The following NCOR2 variants were observed in gnomAD, a reference collection of about 807,000 sequenced individuals.
The protein encoded by NCOR2 is CTG repeat protein 26.
In NCOR2, 81 loss-of-function variants were observed where a neutral mutation model predicts 262.9. That is an observed-to-expected ratio of 0.31 (90% CI 0.26 to 0.37). The LOEUF is 0.37. NCOR2 is among the 10% of genes least tolerant of loss of function. NCOR2 has a pLI of 1.00. For synonymous variants in NCOR2, 1,659 were observed against 1,559.3 expected (o/e 1.06, Z -1.51); for missense variants, 3,385 against 3,621.4 (o/e 0.93, Z 1.68).
At chr12:124,526,267 G>C (rs2050462857) in intron 1 of NCOR2, among the ~76,000 whole-genome samples, 1 of 152,170 alleles carries the variant, frequency 6.6e-6, no homozygotes, top group South Asian at 2.1e-4. Context: ...GGCAGGGAGA[G>C]CCCCAAACCC....
chr12:124,449,424 C>G (rs1217685539), intron 7 of NCOR2, among the ~76,000 whole-genome samples: 1 of 152,208 alleles, frequency 6.6e-6, no homozygotes, highest in Non-Finnish European at 1.5e-5. Context: ...AAACACCAGG[C>G]CCCCGCCTGC....
At chr12:124,480,835 G>A (rs1236934938) in intron 3 of NCOR2, among the ~76,000 whole-genome samples, 2 of 147,624 alleles carry the variant, frequency 1.4e-5, no homozygotes, top group Non-Finnish European at 3.0e-5. Context: ...GGAGCGGATG[G>A]GGGTAGGGGG....
At chr12:124,336,878 T>G in exon 38 of NCOR2, 1 of 1,609,496 alleles carries the variant, frequency 6.2e-7, no homozygotes, top group Non-Finnish European at 8.5e-7. Context: ...TGCGAGGTTC[T>G]TCGCAGGGGT....
chr12:124,386,710 A>C (rs1184876586), intron 16 of NCOR2, among the ~76,000 whole-genome samples: 1 of 152,220 alleles, frequency 6.6e-6, no homozygotes, highest in African/African-American at 2.4e-5. Context: ...TCTAGTTTCA[A>C]GGCCACAAAC....
intron 37 of NCOR2, among the ~76,000 whole-genome samples, chr12:124,338,236 G>A (rs144356619): frequency 4.5e-4 from 68 of 152,314 alleles, no homozygotes; most frequent in African/African-American, 1.5e-3. Flanking sequence ...GGCTGAGTGC[G>A]GTGGCGCACG....
At chr12:124,551,106 A>T (rs192098603) in intron 1 of NCOR2, among the ~76,000 whole-genome samples, 5 of 152,336 alleles carry the variant, frequency 3.3e-5, no homozygotes, top group Admixed American at 3.3e-4. Context: ...TGTGTCTATT[A>T]CCCTTCTAAT....
intron 1 of NCOR2, among the ~76,000 whole-genome samples, chr12:124,515,880 C>A (rs182484804): frequency 6.6e-6 from 1 of 152,162 alleles, no homozygotes; most frequent in South Asian, 2.1e-4. Context: ...TGAGCTGCCT[C>A]GTCACAAAGG....
chr12:124,386,870 G>A (rs1003118192), intron 16 of NCOR2, among the ~76,000 whole-genome samples: 5 of 152,352 alleles, frequency 3.3e-5, no homozygotes, highest in South Asian at 2.1e-4. Context: ...CTCCAGCGGC[G>A]TGACCTTGTG....
intron 40 of NCOR2, chr12:124,334,920 A>G (rs910691676): frequency 1.5e-5 from 10 of 686,866 alleles, no homozygotes; most frequent in Non-Finnish European, 2.4e-5. Flanking sequence ...CTCGCATCAC[A>G]GGCTCCTCCC....
intron 1 of NCOR2, among the ~76,000 whole-genome samples, chr12:124,489,622 G>GC (rs201622941): frequency 0.026 from 4,019 of 152,116 alleles, 79 homozygotes; most frequent in Middle Eastern, 0.092. Context: ...TTCAGGTGAT[G>GC]CCCCCTGGCC....
chr12:124,467,284 A>C (rs1351707382), intron 4 of NCOR2, among the ~76,000 whole-genome samples: 4 of 11,046 alleles, frequency 3.6e-4, no homozygotes, highest in African/African-American at 7.4e-4. Flanking sequence ...TCACCCCATC[A>C]CCCTCATCCT....
At chr12:124,339,387 C>CCTAG (rs2036213372) in intron 37 of NCOR2, among the ~76,000 whole-genome samples, 2 of 147,968 alleles carry the variant, frequency 1.4e-5, no homozygotes, top group Admixed American at 1.4e-4. Flanking sequence ...TACCTACCTA[C>CCTAG]CTACCTACCT....
At chr12:124,448,216 C>T (rs1381817313) in intron 7 of NCOR2, among the ~76,000 whole-genome samples, 1 of 152,224 alleles carries the variant, frequency 6.6e-6, no homozygotes, top group Non-Finnish European at 1.5e-5. Flanking sequence ...ATCCCCTAAA[C>T]CACCTGTGAT....
rs77428605 is a variant in NCOR2 at position 124,326,495 on chromosome 12, A to T, written c.7184-125T>A. Reference sequence around the variant, plus strand: ...CCTCCAAAGAGGGAGGGAGAGCAGTAACGTGAACCCCTCCTCCCTGCTGCC... The same window carrying T: ...CCTCCAAAGAGGGAGGGAGAGCAGTTACGTGAACCCCTCCTCCCTGCTGCC... On this transcript the variant is annotated intron_variant, in intron 45 of 46. Coordinates refer to ENST00000405201, the Ensembl canonical transcript of NCOR2. 98 of 951,368 alleles carry T rather than the reference A, an allele frequency of 1.0e-4. 1 individual carries two copies. The African/African-American group carries it at 1.5e-3, about 15-fold the overall frequency. The allele number at this position is 951,368 out of a possible 1,614,324, so 58.9% of individuals were successfully genotyped here. A position where few individuals can be genotyped will look rare whatever the true frequency, so the allele number is the denominator to read the frequency against.
intron 6 of NCOR2, among the ~76,000 whole-genome samples, chr12:124,452,875 G>A (rs535993028): frequency 5.7e-4 from 87 of 152,306 alleles, no homozygotes; most frequent in African/African-American, 1.7e-3. Context: ...CGAAGGCCCC[G>A]AAGGACTGAG....
At chr12:124,420,513 T>C (rs774586118) in intron 12 of NCOR2, among the ~76,000 whole-genome samples, 16 of 152,264 alleles carry the variant, frequency 1.1e-4, no homozygotes, top group Non-Finnish European at 1.8e-4. Context: ...TCCCTGATAT[T>C]TGAGGTCCTG....
intron 8 of NCOR2, among the ~76,000 whole-genome samples, chr12:124,431,975 GGCAGGCAGACACACACACATGGTCAT>G (rs2043978056): frequency 6.6e-6 from 1 of 151,362 alleles, no homozygotes; most frequent in South Asian, 2.1e-4. Context: ...CAGTCACACA[GGCAGGCAGACACACACACATGGTCAT>G]GCAGGCAGAC....
intron 25 of NCOR2, 87 bp downstream of exon 27, chr12:124,354,750 C>T: frequency 7.2e-7 from 1 of 1,390,740 alleles, no homozygotes; most frequent in Non-Finnish European, 9.8e-7. Context: ...GTACCGTGGG[C>T]CAAGATACCC....
At chr12:124,552,063 T>G (rs998634976) in intron 1 of NCOR2, among the ~76,000 whole-genome samples, 5 of 152,056 alleles carry the variant, frequency 3.3e-5, no homozygotes, top group African/African-American at 1.2e-4. Context: ...CTCACACCTG[T>G]AACCACAGCA....
Sources: gnomAD v4.1 joint callset for allele counts (sites outside exome capture counted in the v4.1 genomes callset) on GRCh38, gnomAD v4.1.1 for gene constraint, MANE v1.5 for transcripts, NCBI Gene and HGNC (gene_info 2026-07-23, HGNC 2026-07-21) for gene names.